The following SEMG2 variants were observed in gnomAD, a reference collection of about 807,000 sequenced individuals.
SEMG2 encodes semenogelin 2.
SEMG2 carries 3 observed loss-of-function variants against 8.1 expected under a neutral mutation model. That is an observed-to-expected ratio of 0.37 (90% CI 0.17 to 0.96). The LOEUF (loss-of-function observed/expected upper bound fraction) is 0.96. Among genes scored for constraint, SEMG2 ranks in the 40% least tolerant of loss-of-function variants. SEMG2 has a pLI of 0.41. For missense variants in SEMG2, 726 were observed against 671.2 expected, an observed-to-expected ratio of 1.08 and a Z score of -0.90; for synonymous variants, 252 against 231.4, an observed-to-expected ratio of 1.09 and a Z score of -0.81.
Position 45,222,274 on chromosome 20 carries a change from T to C in SEMG2, c.642T>C (p.His214=). 6.2e-7 allele frequency: 1 copy of C among 1,613,990 alleles called. No individual in the cohort carries two copies. The highest frequency in any genetic ancestry group is 1.3e-5 in the African/African-American group (1 of 75,014). ...NKQQRETKNS[H]QNKGHYQNVV... Reference sequence around the variant, plus strand: ...AACAACGTGAGACTAAAAATTCTCATCAAAATAAAGGGCATTACCAAAATG... The same window carrying C: ...AACAACGTGAGACTAAAAATTCTCACCAAAATAAAGGGCATTACCAAAATG... Residue 214 remains histidine (H), a synonymous_variant, in exon 2 of 3, where the codon CAT becomes CAC. Transcript: ENST00000372769.
Position 45,222,507 on chromosome 20 carries a change from G to A in SEMG2, c.875G>A (p.Arg292His), listed in dbSNP as rs145586123. ...KAHKISYPSS[R>H]TEERQLHHGE... is the part of the protein sequence containing the mutation. The stretch of plus-strand genomic sequence containing the variant: ...CATAAAATATCATACCCGTCTTCAC[G>A]TACAGAAGAAAGACAACTTCACCAT... The change falls in exon 2 of 3, where the codon CGT (arginine) becomes CAT (histidine). Residue 292 changes from arginine (R) to histidine (H), a missense_variant. By Grantham distance (29) the Arg-to-His change is conservative. Transcript: ENST00000372769. 695 of 1,613,782 alleles carry A rather than the reference G, an allele frequency of 4.3e-4. 1 individual carries two copies. The highest frequency in any genetic ancestry group is 6.6e-4 in the Middle Eastern group (4 of 6,084).
intron 2 of SEMG2, among the ~76,000 whole-genome samples, chr20:45,223,638 C>A (rs1304326229): frequency 6.6e-6 from 1 of 152,192 alleles, no homozygotes; most frequent in East Asian, 1.9e-4. Context: ...AATTCCTATT[C>A]TTAATTGAGT....
chr20:45,223,007 C>A lies in SEMG2; in HGVS notation c.1375C>A (p.His459Asn). The A allele has an allele frequency of 6.2e-7, 1 of 1,613,958 alleles. No homozygotes were observed. Among genetic ancestry groups the A allele is most frequent in the Non-Finnish European group, 8.5e-7 (1 of 1,179,984 alleles). ...AACAATTCCTAGTCAAGATCAAGAG[C>A]ATGGCCATAAGGAAAATAAAATGTC... ...QVTIPSQDQE[H>N]GHKENKMSYQ... Residue 459 changes from histidine to asparagine, a missense_variant, in exon 2 of 3, where the codon CAT (histidine) becomes AAT (asparagine). By Grantham distance (68) the His-to-Asn change is moderately conservative (BLOSUM62 1). Transcript: ENST00000372769.
chr20:45,222,321 A>T lies in SEMG2; in HGVS notation c.689A>T (p.His230Leu), dbSNP rs1382849030. The T allele has an allele frequency of 4.3e-6, 7 of 1,614,036 alleles. No individual in the cohort carries two copies. The highest frequency in any genetic ancestry group is 5.1e-6 in the Non-Finnish European group (6 of 1,180,022). ...AATGTGGTTGACGTGAGAGAGGAAC[A>T]TTCAAGTAAACTACAAACTTCACTC... is the stretch of plus-strand genomic sequence containing the variant. The part of the protein sequence containing the change: ...YQNVVDVREE[H>L]SSKLQTSLHP... The change falls in exon 2 of 3, where the codon CAT becomes CTT. Residue 230 changes from histidine to leucine, a missense_variant. Coordinates refer to ENST00000372769, the MANE Select transcript of SEMG2 (RefSeq NM_003008.3).
Position 45,222,523 on chromosome 20 carries a change from A to T in SEMG2, c.891A>T (p.Gln297His). 6.2e-7 allele frequency: 1 copy of T among 1,613,962 alleles called. No homozygotes were observed. The highest frequency in any genetic ancestry group is 8.5e-7 in the Non-Finnish European group (1 of 1,179,974). Residue 297 changes from glutamine (Q) to histidine (H), a missense_variant, in exon 2 of 3, where the codon CAA (glutamine) becomes CAT (histidine). Transcript: ENST00000372769. ...CGTCTTCACGTACAGAAGAAAGACA[A>T]CTTCACCATGGAGAAAAGAGTGTAC... ...SYPSSRTEERQLHHGEKSVQK... is the reference protein window; with the variant it reads ...SYPSSRTEERHLHHGEKSVQK...
intron 1 of SEMG2, 88 bp from the exon 2 acceptor site, chr20:45,221,621 A>C: frequency 7.1e-7 from 1 of 1,409,340 alleles, no homozygotes; most frequent in Non-Finnish European, 9.7e-7. Context: ...TGGAAATATC[A>C]GAAATTTGTT....
Position 45,221,419 on chromosome 20 carries a change from C to T in SEMG2, c.30C>T (p.Ser10=). The part of the protein sequence containing the change: MKSIILFVL[S]LLLILEKQAA... ...AGTCCATCATCCTCTTTGTCCTTTC[C>T]CTGCTCCTTATCTTGGAGAAGCAAG... Residue 10 remains serine (S), a synonymous_variant, in exon 1 of 3, where the codon TCC becomes TCT. Coordinates refer to ENST00000372769, the MANE Select transcript of SEMG2 (RefSeq NM_003008.3). The T allele has an allele frequency of 1.2e-6, 2 of 1,614,070 alleles. No individual in the cohort carries two copies. The highest frequency in any genetic ancestry group is 1.7e-6 in the Non-Finnish European group (2 of 1,179,974).
In SEMG2 at chr20:45,222,308, G is replaced by A. The variant is rs368513832; in HGVS notation, c.676G>A (p.Val226Met). The change falls in exon 2 of 3, where the codon GTG becomes ATG. Residue 226 changes from valine to methionine, a missense_variant. Transcript: ENST00000372769. ...AGGGCATTACCAAAATGTGGTTGAC[G>A]TGAGAGAGGAACATTCAAGTAAACT... ...NKGHYQNVVD[V>M]REEHSSKLQT... is the part of the protein sequence containing the mutation. 8.0e-5 allele frequency: 129 copies of A among 1,613,990 alleles called. No individual in the cohort carries two copies. Among genetic ancestry groups the A allele is most frequent in the African/African-American group, 1.2e-4 (9 of 74,924 alleles).
chr20:45,222,042 A>G lies in SEMG2; in HGVS notation c.410A>G (p.His137Arg), dbSNP rs759912660. The change falls in exon 2 of 3, where the codon CAT becomes CGT. Residue 137 changes from histidine (H) to arginine (R), a missense_variant. By Grantham distance (29) the His-to-Arg change is conservative. Coordinates refer to ENST00000372769, the MANE Select transcript of SEMG2 (RefSeq NM_003008.3). ...CATCATAAAGGAGGCCAAGCTCATC[A>G]TGGGACACAAAATCCTTCTCAAGAT... ...VIHHKGGQAH[H>R]GTQNPSQDQG... is the part of the protein sequence containing the mutation. 5.0e-6 allele frequency: 8 copies of G among 1,614,044 alleles called. No homozygotes were observed. In the African/African-American group the frequency reaches 8.0e-5, roughly 16 times the overall value.
Position 45,222,087 on chromosome 20 carries a change from G to GA in SEMG2, c.458dup (p.Leu155IlefsTer19). ...CAAGATCAGGGGAATAGCCCATCTG[G>GA]AAAGGGATTATCCAGTCAATGTTCA... On this transcript the variant is annotated frameshift_variant, in exon 2 of 3. Transcript: ENST00000372769. LOFTEE classifies it low-confidence loss of function (END_TRUNC). The GA allele has an allele frequency of 6.2e-7, 1 of 1,613,982 alleles. No individual in the cohort carries two copies. The highest frequency in any genetic ancestry group is 1.1e-5 in the South Asian group (1 of 90,998).
chr20:45,222,244 C>G lies in SEMG2; in HGVS notation c.612C>G (p.Asn204Lys), dbSNP rs1568840831. The stretch of plus-strand genomic sequence containing the variant: ...TCCAAACTGAAGAACTAGTAGTTAA[C>G]AAACAACAACGTGAGACTAAAAATT... Reference protein sequence around the residue: ...YVLQTEELVVNKQQRETKNSH... With the variant: ...YVLQTEELVVKKQQRETKNSH... Residue 204 changes from asparagine to lysine, a missense_variant, in exon 2 of 3, where the codon AAC becomes AAG. Asn to Lys is a moderately conservative substitution (Grantham distance 94). Coordinates refer to ENST00000372769, the MANE Select transcript of SEMG2 (RefSeq NM_003008.3). 2 of 1,614,010 alleles carry G rather than the reference C, an allele frequency of 1.2e-6. No homozygotes were observed. Among genetic ancestry groups the G allele is most frequent in the African/African-American group, 2.7e-5 (2 of 74,920 alleles).
chr20:45,223,618 T>TG (rs1355935782), intron 2 of SEMG2, among the ~76,000 whole-genome samples, 193 bp downstream of exon 2: 1 of 152,212 alleles, frequency 6.6e-6, no homozygotes, highest in Non-Finnish European at 1.5e-5. Flanking sequence ...GGACTATCAC[T>TG]GGGTCCTAGA....
rs1484723203 is a variant in SEMG2 at position 45,222,489 on chromosome 20, TATC to T, written c.860_862del (p.Ser287del). The T allele has an allele frequency of 6.2e-7, 1 of 1,613,850 alleles. No homozygotes were observed. The highest frequency in any genetic ancestry group is 8.5e-7 in the Non-Finnish European group (1 of 1,179,960). ...GAGCATGGCCGGAAGGCACATAAAATATCATACCCGTCTTCACGTACAGAAGAA... is the reference window on the plus strand; with the variant it reads ...GAGCATGGCCGGAAGGCACATAAAATATACCCGTCTTCACGTACAGAAGAA... On this transcript the variant is annotated inframe_deletion, in exon 2 of 3. Transcript: ENST00000372769.
In SEMG2 at chr20:45,222,207, G is replaced by A. The variant is rs1208248421; in HGVS notation, c.575G>A (p.Ser192Asn). 1 of 1,614,156 alleles carries A rather than the reference G, an allele frequency of 6.2e-7. No homozygotes were observed. The highest frequency in any genetic ancestry group is 1.7e-5 in the Admixed American group (1 of 60,020). The change falls in exon 2 of 3, where the codon AGC becomes AAC. Residue 192 changes from serine (S) to asparagine (N), a missense_variant. By Grantham distance (46) the Ser-to-Asn change is conservative (BLOSUM62 1). Coordinates refer to ENST00000372769, the MANE Select transcript of SEMG2 (RefSeq NM_003008.3). ...GGTAGAACACAAGGTGGATCCCAAA[G>A]CAGTTATGTTCTCCAAACTGAAGAA... ...QKGRTQGGSQ[S>N]SYVLQTEELV...
intron 2 of SEMG2, among the ~76,000 whole-genome samples, chr20:45,223,803 A>T (rs969611150): frequency 6.6e-6 from 1 of 152,178 alleles, no homozygotes; most frequent in Non-Finnish European, 1.5e-5. Context: ...ATAGTATGAA[A>T]TATTACAGCA....
At chr20:45,221,657 C>T (rs989568692) in intron 1 of SEMG2, 52 bp from the exon 2 acceptor site, 13 of 1,482,562 alleles carry the variant, frequency 8.8e-6, no homozygotes, top group Non-Finnish European at 1.2e-5. Context: ...GTAAGAGTTG[C>T]AAGAGAGCTT....
At position 45,222,988 on chromosome 20, in the gene SEMG2, T is replaced by C. The variant is rs1984059368; in HGVS notation, c.1356T>C (p.Ile452=). The C allele has an allele frequency of 4.3e-6, 7 of 1,614,024 alleles. No homozygotes were observed. The highest frequency in any genetic ancestry group is 5.9e-6 in the Non-Finnish European group (7 of 1,179,994). ...GCAAGTCTCAAAACCAGGTAACAAT[T>C]CCTAGTCAAGATCAAGAGCATGGCC... is the stretch of plus-strand genomic sequence containing the variant. ...IHGKSQNQVT[I]PSQDQEHGHK... The change falls in exon 2 of 3, where the codon ATT becomes ATC. Residue 452 remains isoleucine, a synonymous_variant. Coordinates refer to ENST00000372769, the MANE Select transcript of SEMG2 (RefSeq NM_003008.3).
Position 45,222,923 on chromosome 20 carries a change from A to G in SEMG2, c.1291A>G (p.Lys431Glu), listed in dbSNP as rs757231503. 1.2e-6 allele frequency: 2 copies of G among 1,613,700 alleles called. No homozygotes were observed. Among genetic ancestry groups the G allele is most frequent in the Non-Finnish European group, 1.7e-6 (2 of 1,179,946 alleles). ...GEKDVQKGVS[K>E]GSISIQTEEK... ...AAAGGATGTACAGAAAGGTGTATCC[A>G]AAGGCAGTATTTCTATCCAAACTGA... The change falls in exon 2 of 3, where the codon AAA (lysine) becomes GAA (glutamate). Residue 431 changes from lysine (K) to glutamate (E), a missense_variant. Coordinates refer to ENST00000372769, the MANE Select transcript of SEMG2 (RefSeq NM_003008.3).
chr20:45,223,834 C>T (rs1445090424), intron 2 of SEMG2, among the ~76,000 whole-genome samples: 3 of 152,154 alleles, frequency 2.0e-5, no homozygotes, highest in African/African-American at 4.8e-5. Context: ...TCTTTCTGCA[C>T]ATACATGAAT....
Sources: allele counts gnomAD v4.1 joint callset (sites outside exome capture counted in the v4.1 genomes callset), GRCh38; gene constraint gnomAD v4.1.1; transcripts MANE v1.5; gene names NCBI Gene and HGNC (gene_info 2026-07-23, HGNC 2026-07-21).